Variants in CDH19 observed in about 807,000 individuals in gnomAD.
CDH19 encodes cadherin 19, also known as cadherin-19.
Under a neutral mutation model 64.2 loss-of-function variants are expected in CDH19, and 67 were observed. The observed-to-expected ratio is 1.04, with a 90% CI of 0.86 to 1.28. CDH19 has a LOEUF of 1.28. Ranked by LOEUF, CDH19 falls within the 50% of genes most tolerant of loss-of-function variation. CDH19 has a pLI of 0.00. For missense variants in CDH19, 1,030 were observed against 929.0 expected (o/e 1.11, Z -1.41); for synonymous variants, 346 against 319.3 (o/e 1.08, Z -0.89).
intron 9 of CDH19, among the ~76,000 whole-genome samples, chr18:66,524,510 C>A (rs980809378): frequency 7.5e-6 from 1 of 133,382 alleles, no homozygotes; most frequent in African/African-American, 2.8e-5. Flanking sequence ...CTTGATTTAG[C>A]CATTTCACAA....
At chr18:66,530,415 T>C (rs1187426387) in intron 8 of CDH19, among the ~76,000 whole-genome samples, 2 of 151,968 alleles carry the variant, frequency 1.3e-5, no homozygotes, top group East Asian at 3.9e-4. Flanking sequence ...TTGTGTAAGG[T>C]TATAGCTGCA....
Position 66,547,844 on chromosome 18 carries a change from T to C in CDH19, c.776-2941A>G, listed in dbSNP as rs966324045. 6.0e-4 allele frequency among the ~76,000 whole-genome samples: 88 copies of C among 145,536 alleles called. 1 individual carries two copies. Among genetic ancestry groups the C allele is most frequent in the African/African-American group, 1.9e-3 (74 of 38,914 alleles). On this transcript the variant is annotated intron_variant, in intron 5 of 11. Coordinates refer to ENST00000262150, the MANE Select transcript of CDH19 (RefSeq NM_021153.4). ...CACTACGCCCGGCTAATTTTTTGTA[T>C]TTTTAGTAGAGACGGGGTTTCACCG... is the stretch of plus-strand genomic sequence containing the variant.
In CDH19 at chr18:66,506,305, G is replaced by A. The variant is rs146598955; in HGVS notation, c.1829-1003C>T. Reference sequence around the variant, plus strand: ...AATTTATTTCAAAATAGGTAGAAGAGATAAATTGGAATGTTATCACCACAA... The same window carrying A: ...AATTTATTTCAAAATAGGTAGAAGAAATAAATTGGAATGTTATCACCACAA... On this transcript the variant is annotated intron_variant, in intron 11 of 11. Coordinates refer to ENST00000262150, the MANE Select transcript of CDH19 (RefSeq NM_021153.4). Among the ~76,000 whole-genome samples, 780 of 152,004 alleles carry A rather than the reference G, an allele frequency of 5.1e-3. 7 individuals carry two copies. The highest frequency in any genetic ancestry group is 0.018 in the African/African-American group (738 of 41,498).
At chr18:66,552,649 T>C (rs1987386798) in intron 4 of CDH19, among the ~76,000 whole-genome samples, 1 of 134,882 alleles carries the variant, frequency 7.4e-6, no homozygotes, top group Non-Finnish European at 1.5e-5. Context: ...ATAAAGGATA[T>C]GTATTTCTGG....
intron 3 of CDH19, among the ~76,000 whole-genome samples, chr18:66,557,380 GT>G (rs1209657328): frequency 6.6e-6 from 1 of 151,920 alleles, no homozygotes; most frequent in Non-Finnish European, 1.5e-5. Context: ...CTTCTTCAGT[GT>G]TTTTCTCCTG....
At chr18:66,505,896 T>C (rs1421369695) in intron 11 of CDH19, among the ~76,000 whole-genome samples, 1 of 152,018 alleles carries the variant, frequency 6.6e-6, no homozygotes, top group Non-Finnish European at 1.5e-5. Context: ...TATATTATTA[T>C]ATCCTATTAT....
intron 3 of CDH19, among the ~76,000 whole-genome samples, chr18:66,566,477 C>T (rs1031904994): frequency 9.9e-5 from 15 of 151,868 alleles, no homozygotes; most frequent in Admixed American, 4.0e-4. Context: ...TAGCATCTCA[C>T]ATTTCATTTT....
chr18:66,599,178 T>TA (rs1988979419), intron 1 of CDH19, among the ~76,000 whole-genome samples: 1 of 152,156 alleles, frequency 6.6e-6, no homozygotes, highest in Non-Finnish European at 1.5e-5. Flanking sequence ...ATTGTCAACA[T>TA]AAAACGTGGT....
chr18:66,588,934 C>G (rs1356956091), intron 1 of CDH19, among the ~76,000 whole-genome samples: 7 of 151,272 alleles, frequency 4.6e-5, no homozygotes, highest in Non-Finnish European at 1.0e-4. Flanking sequence ...AGAGAATAAA[C>G]AAATAATGCT....
At chr18:66,511,800 G>A (rs1985504405) in intron 9 of CDH19, 115 bp from the exon 10 acceptor site, 2 of 659,514 alleles carry the variant, frequency 3.0e-6, no homozygotes, top group Non-Finnish European at 2.7e-6. Context: ...TAGGGACATT[G>A]CAGAAAATAA....
chr18:66,589,414 C>T (rs1988678863), intron 1 of CDH19, among the ~76,000 whole-genome samples: 1 of 151,772 alleles, frequency 6.6e-6, no homozygotes, highest in Non-Finnish European at 1.5e-5. Flanking sequence ...TTTCACTTTG[C>T]ACTTGTTGAA....
chr18:66,560,067 C>T (rs770131715), intron 3 of CDH19, among the ~76,000 whole-genome samples: 2 of 151,494 alleles, frequency 1.3e-5, no homozygotes, highest in Non-Finnish European at 3.0e-5. Context: ...GGAAGTCTCA[C>T]TCTGTCGCCC....
chr18:66,603,581 A>G (rs182158433), intron 1 of CDH19, among the ~76,000 whole-genome samples: 1 of 152,080 alleles, frequency 6.6e-6, no homozygotes, highest in Admixed American at 6.6e-5. Context: ...ATACATGATA[A>G]ATAAAAAATA....
Position 66,574,501 on chromosome 18 carries a change from G to GA in CDH19, c.-112-2186dup, listed in dbSNP as rs201148383. Among the ~76,000 whole-genome samples the GA allele has an allele frequency of 8.2e-3, 1,218 of 147,772 alleles. 9 individuals are homozygous for GA. Among genetic ancestry groups the GA allele is most frequent in the Non-Finnish European group, 0.013 (840 of 66,524 alleles). On this transcript the variant is annotated intron_variant, in intron 1 of 11. Transcript: ENST00000262150. The stretch of plus-strand genomic sequence containing the variant: ...ATTAATGGCATATTATTCACACTGA[G>GA]AAAAAAAAACAGTTAAACTGAAGAC...
chr18:66,507,261 G>A (rs1985247773), intron 11 of CDH19, among the ~76,000 whole-genome samples: 2 of 148,512 alleles, frequency 1.3e-5, no homozygotes, highest in Non-Finnish European at 3.0e-5. Context: ...CTGAAGCTAG[G>A]TCCTAAACAA....
intron 1 of CDH19, among the ~76,000 whole-genome samples, chr18:66,594,683 T>G (rs1988835068): frequency 6.6e-6 from 1 of 151,474 alleles, no homozygotes; most frequent in Admixed American, 6.6e-5. Context: ...CCATAAAAAA[T>G]TATGAGTTCA....
At chr18:66,603,665 G>C (rs1989091534) in intron 1 of CDH19, among the ~76,000 whole-genome samples, 2 of 151,978 alleles carry the variant, frequency 1.3e-5, no homozygotes, top group Non-Finnish European at 2.9e-5. Flanking sequence ...TAAGAAACTT[G>C]AGAAGTTTTA....
Position 66,503,770 on chromosome 18 carries a change from ACAC to A in CDH19, c.*1039_*1041del, listed in dbSNP as rs1221527456. 6.6e-6 allele frequency: 1 copy of A among 151,960 alleles called. No individual in the cohort carries two copies. Among genetic ancestry groups the A allele is most frequent in the Non-Finnish European group, 1.5e-5 (1 of 67,894 alleles). The allele number at this position is 151,960 out of a possible 1,614,324, so 9.4% of individuals were successfully genotyped here. ...CTATATAACTCTGATTAATTTGTATACACCAAGTATCTGTTCAAATTTGAAATC... is the reference window on the plus strand; with the variant it reads ...CTATATAACTCTGATTAATTTGTATACAAGTATCTGTTCAAATTTGAAATC... On this transcript the variant is annotated 3_prime_UTR_variant, in exon 12 of 12. Coordinates refer to ENST00000262150, the MANE Select transcript of CDH19 (RefSeq NM_021153.4).
At chr18:66,506,689 G>T (rs537581731) in intron 11 of CDH19, among the ~76,000 whole-genome samples, 1 of 151,848 alleles carries the variant, frequency 6.6e-6, no homozygotes, top group African/African-American at 2.4e-5. Context: ...GTGTGTGTGT[G>T]TGTCTTTGCG....
Sources: allele counts gnomAD v4.1 joint callset (sites outside exome capture counted in the v4.1 genomes callset), GRCh38; gene constraint gnomAD v4.1.1; transcripts MANE v1.5; gene names NCBI Gene and HGNC (gene_info 2026-07-23, HGNC 2026-07-21).